PTOV1: variants seen among roughly 807,000 people sequenced by gnomAD.
The protein encoded by PTOV1 is PTOV1 extended AT-hook containing adaptor protein.
Under a neutral mutation model 58.0 loss-of-function variants are expected in PTOV1, and 20 were observed. That is an observed-to-expected ratio of 0.34 (90% CI 0.24 to 0.50). PTOV1 has a LOEUF of 0.50. Ranked by LOEUF, PTOV1 falls within the 20% of genes least tolerant of loss-of-function variation. The pLI, the probability that PTOV1 is intolerant of heterozygous loss-of-function variation, is 0.98. For missense variants in PTOV1, 593 were observed against 565.4 expected (o/e 1.05, Z -0.50); for synonymous variants, 335 against 234.2 (o/e 1.43, Z -3.93).
chr19:49,853,209 C>T (rs1215482135), intron 1 of PTOV1: 8 of 152,178 alleles, frequency 5.3e-5, no homozygotes, highest in African/African-American at 1.9e-4. Flanking sequence ...TTGGAAAATA[C>T]CTGTTTGTAA....
At position 49,851,678 on chromosome 19, in the gene PTOV1, C is replaced by T; in HGVS notation, c.171+179C>T. 8.7e-6 allele frequency: 10 copies of T among 1,153,386 alleles called. No individual in the cohort carries two copies. In the South Asian group the frequency reaches 1.8e-4, roughly 20 times the overall value. The allele number at this position is 1,153,386 out of a possible 1,614,324, so 71.4% of individuals were successfully genotyped here. On this transcript the variant is annotated intron_variant, in intron 1 of 11. Coordinates refer to ENST00000391842, the Ensembl canonical transcript of PTOV1. ...CACCCGGTGGTTCGCGCCGCGCTCTCCCCTTTGTTGCGCGTTCGGGCCGGG... is the reference window on the plus strand; with the variant it reads ...CACCCGGTGGTTCGCGCCGCGCTCTTCCCTTTGTTGCGCGTTCGGGCCGGG...
In PTOV1 at chr19:49,857,812, A is replaced by G. The variant is rs767132335; in HGVS notation, c.804+30A>G. The G allele has an allele frequency of 4.3e-6, 7 of 1,613,078 alleles. No individual in the cohort carries two copies. In the Admixed American group the frequency reaches 6.7e-5, roughly 15 times the overall value. On this transcript the variant is annotated intron_variant, in intron 7 of 11. Coordinates refer to ENST00000391842, the Ensembl canonical transcript of PTOV1. ...GCACTCGGCAGCCCAGGGACTTGGG[A>G]CCCCCAGATCCTCACGGACTGTGGC...
chr19:49,859,974 T>C lies in PTOV1; in HGVS notation c.1042-12T>C, dbSNP rs1344970174. On this transcript the variant is annotated splice_polypyrimidine_tract_variant and intron_variant, in intron 10 of 11. Transcript: ENST00000391842. Reference sequence around the variant, plus strand: ...GGTGCTGTCTGGTGACACCACGCCCTGTGCCTGCCAGGCCGGCTGCGTGCA... The same window carrying C: ...GGTGCTGTCTGGTGACACCACGCCCCGTGCCTGCCAGGCCGGCTGCGTGCA... The C allele has an allele frequency of 6.8e-6, 11 of 1,613,946 alleles. No homozygotes were observed. Among genetic ancestry groups the C allele is most frequent in the Non-Finnish European group, 9.3e-6 (11 of 1,179,964 alleles).
upstream of PTOV1, chr19:49,851,105 C>A (rs1234216827): frequency 1.5e-6 from 2 of 1,372,776 alleles, no homozygotes; most frequent in Non-Finnish European, 1.9e-6. Context: ...TGGTACGCTC[C>A]GGCCACGCCC....
rs372658361 is a variant in PTOV1, at chr19:49,859,943, C to A, written c.1042-43C>A. 5 of 1,602,280 alleles carry A rather than the reference C, an allele frequency of 3.1e-6. No homozygotes were observed. In the African/African-American group the frequency reaches 4.0e-5, roughly 13 times the overall value. On this transcript the variant is annotated intron_variant, in intron 10 of 11. Transcript: ENST00000391842. Reference sequence around the variant, plus strand: ...ATGCCGTGGTTGGAGGGATGCTGGTCCCTGTGGTGCTGTCTGGTGACACCA... The same window carrying A: ...ATGCCGTGGTTGGAGGGATGCTGGTACCTGTGGTGCTGTCTGGTGACACCA...
chr19:49,853,851 C>T (rs1296664896), intron 1 of PTOV1, among the ~76,000 whole-genome samples: 2 of 152,192 alleles, frequency 1.3e-5, no homozygotes, highest in Admixed American at 1.3e-4. Flanking sequence ...TGCCTCCCCC[C>T]GGGGTCAGAC....
At position 49,854,896 on chromosome 19, in the gene PTOV1, C is replaced by T; in HGVS notation, c.450+8C>T. 6.3e-7 allele frequency: 1 copy of T among 1,595,270 alleles called. No homozygotes were observed. Among genetic ancestry groups the T allele is most frequent in the Non-Finnish European group, 8.6e-7 (1 of 1,165,290 alleles). ...ATCCCTCAGCAGCTGCTGGTGAGAC[C>T]CGCCCCTCCCACCCCATCCACTCTG... On this transcript the variant is annotated splice_region_variant and intron_variant, in intron 4 of 11. Transcript: ENST00000391842.
chr19:49,854,821 C>T lies in PTOV1; in HGVS notation c.393-10C>T. 1.2e-6 allele frequency: 2 copies of T among 1,613,390 alleles called. No individual in the cohort carries two copies. The highest frequency in any genetic ancestry group is 1.7e-6 in the Non-Finnish European group (2 of 1,179,992). On this transcript the variant is annotated splice_polypyrimidine_tract_variant and intron_variant, in intron 3 of 11. Transcript: ENST00000391842. ...CAGGGCAGCCCTTTCTGACCAGCTC[C>T]TTCCCATAGGGAGACCGACCAGTGG... is the stretch of plus-strand genomic sequence containing the variant.
In PTOV1 at chr19:49,859,886, G is replaced by A; in HGVS notation, c.1042-100G>A. On this transcript the variant is annotated intron_variant, in intron 10 of 11. Coordinates refer to ENST00000391842, the Ensembl canonical transcript of PTOV1. ...GGGGGGTGTGAGGACAGAGCAGTTAGGCTGTGCCTGGCTCATGGAGCCCAC... is the reference window on the plus strand; with the variant it reads ...GGGGGGTGTGAGGACAGAGCAGTTAAGCTGTGCCTGGCTCATGGAGCCCAC... The A allele has an allele frequency of 3.1e-6, 4 of 1,300,922 alleles. No individual in the cohort carries two copies. The South Asian group carries it at 3.7e-5, about 12-fold the overall frequency. 80.6% of individuals were successfully genotyped at this position (1,300,922 alleles called of 1,614,324 possible).
At chr19:49,851,482 C>T in exon 1 of PTOV1, 3 of 1,220,940 alleles carry the variant, frequency 2.5e-6, no homozygotes, top group Non-Finnish European at 3.1e-6. Context: ...GATCCGGGCC[C>T]GCTCGGCCCC....
intron 1 of PTOV1, 142 bp from the exon 2 acceptor site, chr19:49,854,264 G>T: frequency 9.0e-7 from 1 of 1,115,728 alleles, no homozygotes. Context: ...GGGGTGAGCA[G>T]AGGGTTTGGA....
rs75297181 is a variant in PTOV1 at position 49,858,248 on chromosome 19, G to A, written c.936+134G>A. 1.8e-3 allele frequency: 2,140 copies of A among 1,169,840 alleles called. 33 individuals carry two copies. The African/African-American group carries it at 0.028, about 15-fold the overall frequency. The allele number at this position is 1,169,840 out of a possible 1,614,324, so 72.5% of individuals were successfully genotyped here. On this transcript the variant is annotated intron_variant, in intron 9 of 11. Transcript: ENST00000391842. Reference sequence around the variant, plus strand: ...CGGAGCTGAGGGTGCTGAAGCAGGTGTGGTGGGTAGCTCCTCAGGCTTGGC... The same window carrying A: ...CGGAGCTGAGGGTGCTGAAGCAGGTATGGTGGGTAGCTCCTCAGGCTTGGC...
At chr19:49,851,869 GT>G (rs879622460) in intron 1 of PTOV1, 5 of 987,970 alleles carry the variant, frequency 5.1e-6, no homozygotes, top group African/African-American at 1.7e-5. Context: ...AATGGGGGCG[GT>G]TTTGGGGGAC....
At chr19:49,858,906 G>A (rs1005004124) in intron 10 of PTOV1, 77 of 437,934 alleles carry the variant, frequency 1.8e-4, no homozygotes, top group Admixed American at 9.0e-4. Flanking sequence ...CCAACTCCGC[G>A]CTCTCCACTC....
At chr19:49,858,174 C>CT (rs2074566587) in intron 9 of PTOV1, 60 bp downstream of exon 9, 2 of 1,579,636 alleles carry the variant, frequency 1.3e-6, no homozygotes, top group South Asian at 2.3e-5. Flanking sequence ...GAGGGCGGGG[C>CT]TGGGGGCAAG....
At position 49,857,584 on chromosome 19, in the gene PTOV1, C is replaced by T. The variant is rs531261389; in HGVS notation, c.715-109C>T. 1.7e-5 allele frequency: 17 copies of T among 1,014,630 alleles called. No individual in the cohort carries two copies. The East Asian group carries it at 3.1e-4, about 19-fold the overall frequency. The allele number at this position is 1,014,630 out of a possible 1,614,324, so 62.9% of individuals were successfully genotyped here. On this transcript the variant is annotated intron_variant, in intron 6 of 11. Coordinates refer to ENST00000391842, the Ensembl canonical transcript of PTOV1. ...CCCTGGGACTAGAGAATGGACCCAGCTGGGGCTAACAGGCCAAGGCTCGGA... is the reference window on the plus strand; with the variant it reads ...CCCTGGGACTAGAGAATGGACCCAGTTGGGGCTAACAGGCCAAGGCTCGGA...
chr19:49,857,767 C>T (rs1380999936), exon 7 of PTOV1: 1 of 1,614,012 alleles, frequency 6.2e-7, no homozygotes. Flanking sequence ...GGAGTGGTGT[C>T]ATGGAGTGGC....
rs927424722 is a variant in PTOV1 at position 49,851,602 on chromosome 19, C to A, written c.171+103C>A. 6 of 1,016,456 alleles carry A rather than the reference C, an allele frequency of 5.9e-6. No homozygotes were observed. The Admixed American group carries it at 2.9e-4, about 50-fold the overall frequency. The allele number at this position is 1,016,456 out of a possible 1,614,324, so 63.0% of individuals were successfully genotyped here. ...CGCAGCCCCCGCCGCTCCGGGGTGT[C>A]CCCTGTGGCCCGAAGGGTGGTCCCG... On this transcript the variant is annotated intron_variant, in intron 1 of 11. Coordinates refer to ENST00000391842, the Ensembl canonical transcript of PTOV1.
chr19:49,859,936 T>C (rs2074675363), intron 10 of PTOV1, 50 bp from the exon 11 acceptor site: 1 of 1,593,108 alleles, frequency 6.3e-7, no homozygotes, highest in African/African-American at 1.3e-5. Context: ...GTTGGAGGGA[T>C]GCTGGTCCCT....
Sources: allele counts gnomAD v4.1 joint callset (sites outside exome capture counted in the v4.1 genomes callset), GRCh38; gene constraint gnomAD v4.1.1; transcripts MANE v1.5; gene names NCBI Gene and HGNC (gene_info 2026-07-23, HGNC 2026-07-21).